The following SLC39A9 variants were observed in gnomAD, a reference collection of about 807,000 sequenced individuals.
SLC39A9 encodes zinc transporter ZIP9.
In SLC39A9, 14 loss-of-function variants were observed where a neutral mutation model predicts 28.4. The ratio of observed to expected loss-of-function variants is 0.49; its 90% CI spans 0.33 to 0.77. The LOEUF (loss-of-function observed/expected upper bound fraction) is 0.77. Among genes scored for constraint, SLC39A9 ranks in the 30% least tolerant of loss-of-function variants. The pLI is 0.02. For missense variants in SLC39A9, 283 were observed against 381.1 expected (o/e 0.74, Z 2.14); for synonymous variants, 119 against 149.6 (o/e 0.80, Z 1.49).
intron 1 of SLC39A9, among the ~76,000 whole-genome samples, chr14:69,411,637 G>A (rs987921554): frequency 2.6e-5 from 4 of 152,110 alleles, no homozygotes; most frequent in Non-Finnish European, 5.9e-5. Flanking sequence ...GAAAGAACCT[G>A]TCAGCATTTT....
At chr14:69,413,479 C>T (rs1883392667) in intron 1 of SLC39A9, among the ~76,000 whole-genome samples, 1 of 151,950 alleles carries the variant, frequency 6.6e-6, no homozygotes, top group South Asian at 2.1e-4. Flanking sequence ...AAAGAAAGGA[C>T]ATTATAACCA....
intron 3 of SLC39A9, 50 bp from the exon 4 acceptor site, chr14:69,453,191 C>A: frequency 6.6e-7 from 1 of 1,503,968 alleles, no homozygotes; most frequent in Non-Finnish European, 9.2e-7. Flanking sequence ...AATGTTTGAA[C>A]AGTTTCTGTC....
chr14:69,420,072 G>C (rs1161932988), intron 1 of SLC39A9, among the ~76,000 whole-genome samples: 2 of 152,142 alleles, frequency 1.3e-5, no homozygotes, highest in Admixed American at 6.5e-5. Flanking sequence ...CCCGTTAGTT[G>C]GTGCAGTTTC....
chr14:69,458,310 A>G, intron 6 of SLC39A9, 53 bp from the exon 7 acceptor site: 1 of 1,596,590 alleles, frequency 6.3e-7, no homozygotes, highest in Non-Finnish European at 8.5e-7. Context: ...CTTCTTCCTG[A>G]CCCTGAATTT....
chr14:69,455,975 A>C (rs775204089), intron 6 of SLC39A9, 109 bp downstream of exon 6: 14 of 1,325,590 alleles, frequency 1.1e-5, no homozygotes, highest in Non-Finnish European at 1.3e-5. Context: ...AACTAAAGAT[A>C]AAATTAGGAG....
chr14:69,446,632 G>A (rs1885318002), intron 3 of SLC39A9, among the ~76,000 whole-genome samples: 1 of 151,978 alleles, frequency 6.6e-6, no homozygotes, highest in Non-Finnish European at 1.5e-5. Context: ...CAGCACTTTG[G>A]GAGGCCTAGG....
chr14:69,414,619 C>T (rs2140261194), intron 1 of SLC39A9, among the ~76,000 whole-genome samples: 1 of 152,188 alleles, frequency 6.6e-6, no homozygotes, highest in East Asian at 1.9e-4. Context: ...TAAATTACTG[C>T]CCAGTTAATT....
intron 1 of SLC39A9, among the ~76,000 whole-genome samples, chr14:69,412,916 T>C (rs1037481533): frequency 6.6e-6 from 1 of 152,370 alleles, no homozygotes; most frequent in East Asian, 1.9e-4. Flanking sequence ...CAAAGCTAGA[T>C]GATTCATTCA....
At chr14:69,446,945 T>TAGAG (rs748454128) in intron 3 of SLC39A9, among the ~76,000 whole-genome samples, 74 of 131,748 alleles carry the variant, frequency 5.6e-4, no homozygotes, top group South Asian at 9.9e-4. Flanking sequence ...TATATATATA[T>TAGAG]ATAGAGAGAG....
At chr14:69,417,475 T>G (rs1016734655) in intron 1 of SLC39A9, among the ~76,000 whole-genome samples, 13 of 152,256 alleles carry the variant, frequency 8.5e-5, no homozygotes, top group African/African-American at 3.1e-4. Flanking sequence ...TGGTTCTATA[T>G]GAACTTTAAA....
rs567854203 is a variant in SLC39A9, at chr14:69,448,177, T to C, written c.404-5064T>C. Among the ~76,000 whole-genome samples the C allele has an allele frequency of 4.0e-5, 5 of 126,422 alleles. No homozygotes were observed. The South Asian group carries it at 1.3e-3, about 32-fold the overall frequency. The allele number at this position is 126,422 out of a possible 152,430, so 82.9% of individuals were successfully genotyped here. A position where few individuals can be genotyped will look rare whatever the true frequency, so the allele number is the denominator to read the frequency against. ...TTGCAGTGAGCCGAGGTCACGCCACTGCACTCCAGCCTGGGCAACAAAGTG... is the reference window on the plus strand; with the variant it reads ...TTGCAGTGAGCCGAGGTCACGCCACCGCACTCCAGCCTGGGCAACAAAGTG... On this transcript the variant is annotated intron_variant, in intron 3 of 6. Transcript: ENST00000336643.
At chr14:69,440,118 T>C (rs1884971615) in intron 2 of SLC39A9, among the ~76,000 whole-genome samples, 1 of 152,010 alleles carries the variant, frequency 6.6e-6, no homozygotes, top group Admixed American at 6.6e-5. Context: ...GAAGGGCCCC[T>C]TAAAAACCAT....
At chr14:69,407,748 C>T (rs1883022228) in intron 1 of SLC39A9, among the ~76,000 whole-genome samples, 1 of 151,964 alleles carries the variant, frequency 6.6e-6, no homozygotes, top group Non-Finnish European at 1.5e-5. Flanking sequence ...AAGAGATTTT[C>T]CTGCCTCAGC....
chr14:69,407,182 A>G (rs1212161647), intron 1 of SLC39A9, among the ~76,000 whole-genome samples: 3 of 151,700 alleles, frequency 2.0e-5, no homozygotes, highest in African/African-American at 7.3e-5. Context: ...TCATTTTTAA[A>G]TGAAAAGGTC....
At chr14:69,456,573 A>G (rs890207940) in intron 6 of SLC39A9, among the ~76,000 whole-genome samples, 2 of 152,152 alleles carry the variant, frequency 1.3e-5, no homozygotes, top group African/African-American at 4.8e-5. Flanking sequence ...ACCTGAGGTA[A>G]CATGTGCTCT....
chr14:69,423,512 A>G (rs1884011296), intron 1 of SLC39A9, among the ~76,000 whole-genome samples: 1 of 152,210 alleles, frequency 6.6e-6, no homozygotes, highest in Non-Finnish European at 1.5e-5. Flanking sequence ...GGTTGTAGCA[A>G]TTCACATTCC....
chr14:69,426,272 C>T (rs1359368109), intron 2 of SLC39A9, among the ~76,000 whole-genome samples: 2 of 152,176 alleles, frequency 1.3e-5, no homozygotes, highest in African/African-American at 4.8e-5. Context: ...GCCTCTGGAA[C>T]TTCTGACCAA....
rs1390474331 is a variant in SLC39A9 at position 69,454,901 on chromosome 14, A to G, written c.558+4A>G. 6.2e-7 allele frequency: 1 copy of G among 1,612,216 alleles called. No homozygotes were observed. The highest frequency in any genetic ancestry group is 2.2e-5 in the East Asian group (1 of 44,836). On this transcript the variant is annotated splice_donor_region_variant and intron_variant, in intron 5 of 6. Transcript: ENST00000336643. Reference sequence around the variant, plus strand: ...TGTGGCAATCATGCTACATAAGGTAAGCAACATTTTGGTGTAAGGTTTGGT... The same window carrying G: ...TGTGGCAATCATGCTACATAAGGTAGGCAACATTTTGGTGTAAGGTTTGGT...
At chr14:69,439,964 G>A (rs1884961485) in intron 2 of SLC39A9, among the ~76,000 whole-genome samples, 1 of 152,070 alleles carries the variant, frequency 6.6e-6, no homozygotes, top group Non-Finnish European at 1.5e-5. Context: ...AATTTATAAA[G>A]GTCAATTAAA....
Sources: allele counts gnomAD v4.1 joint callset (sites outside exome capture counted in the v4.1 genomes callset), GRCh38; gene constraint gnomAD v4.1.1; transcripts MANE v1.5; gene names NCBI Gene and HGNC (gene_info 2026-07-23, HGNC 2026-07-21).